The following CDK6 variants were observed in gnomAD, a reference collection of about 807,000 sequenced individuals.
CDK6 encodes the protein cyclin-dependent kinase 6.
A neutral mutation model predicts 37.1 loss-of-function variants in CDK6; 6 were observed. That is an observed-to-expected ratio of 0.16 (90% CI 0.09 to 0.32). CDK6 has a LOEUF of 0.32. CDK6 is among the 10% of genes least tolerant of loss of function. The probability of loss-of-function intolerance (pLI) is 1.00; values close to 1 mark genes in which losing one functional copy is unlikely to be tolerated. For missense variants in CDK6, 224 were observed against 418.9 expected (o/e 0.53, Z 4.06); for synonymous variants, 160 against 161.3 (o/e 0.99, Z 0.06).
At chr7:92,761,044 T>C (rs554774863) in intron 3 of CDK6, among the ~76,000 whole-genome samples, 1 of 152,202 alleles carries the variant, frequency 6.6e-6, no homozygotes, top group South Asian at 2.1e-4. Context: ...TCCTTTTTCT[T>C]AGTGGTTTGT....
rs1208052674 is a variant in CDK6, at chr7:92,614,406, T to G, written c.*734A>C. On this transcript the variant is annotated 3_prime_UTR_variant, in exon 8 of 8. Transcript: ENST00000424848. ...CTTACAACAAGTAAATTCAGCATTCTGAAGACTAAATAGAATGCATGCACA... is the reference window on the plus strand; with the variant it reads ...CTTACAACAAGTAAATTCAGCATTCGGAAGACTAAATAGAATGCATGCACA... 1 of 232,982 alleles carries G rather than the reference T, an allele frequency of 4.3e-6. No homozygotes were observed. The highest frequency in any genetic ancestry group is 8.5e-6 in the Non-Finnish European group (1 of 117,968). 14.4% of individuals were successfully genotyped at this position (232,982 alleles called of 1,614,324 possible). A position where few individuals can be genotyped will look rare whatever the true frequency, so the allele number is the denominator to read the frequency against.
rs757062659 is a variant in CDK6 at position 92,659,631 on chromosome 7, CACACCA to C, written c.647+11789_647+11794del. 5.3e-5 allele frequency among the ~76,000 whole-genome samples: 8 copies of C among 149,580 alleles called. No homozygotes were observed. The East Asian group carries it at 8.6e-4, about 16-fold the overall frequency. On this transcript the variant is annotated intron_variant, in intron 5 of 7. Transcript: ENST00000424848. Reference sequence around the variant, plus strand: ...TGACACACACACACACACACACACACACACCACACACACACACACTTTTGAATTCAT... The same window carrying C: ...TGACACACACACACACACACACACACCACACACACACACTTTTGAATTCAT...
intron 4 of CDK6, among the ~76,000 whole-genome samples, chr7:92,716,947 C>G (rs567262654): frequency 6.6e-6 from 1 of 152,116 alleles, no homozygotes; most frequent in South Asian, 2.1e-4. Context: ...ACTTGAAAAA[C>G]TTTCTGAAGC....
At chr7:92,832,629 A>T (rs897079565) in intron 2 of CDK6, among the ~76,000 whole-genome samples, 2 of 152,130 alleles carry the variant, frequency 1.3e-5, no homozygotes, top group African/African-American at 4.8e-5. Flanking sequence ...ACTTGGCTCC[A>T]CCCATAAAGT....
At chr7:92,701,551 G>A (rs772317335) in intron 4 of CDK6, among the ~76,000 whole-genome samples, 3 of 152,066 alleles carry the variant, frequency 2.0e-5, no homozygotes, top group East Asian at 1.9e-4. Context: ...GACTACAGGC[G>A]CCTGCAACCA....
At chr7:92,727,043 G>A (rs758413778) in intron 3 of CDK6, among the ~76,000 whole-genome samples, 2 of 152,094 alleles carry the variant, frequency 1.3e-5, no homozygotes, top group African/African-American at 2.4e-5. Flanking sequence ...CTAATTTTAG[G>A]ACCAATACAA....
chr7:92,809,221 T>A (rs1357788435), intron 2 of CDK6, among the ~76,000 whole-genome samples: 1 of 152,204 alleles, frequency 6.6e-6, no homozygotes, highest in Non-Finnish European at 1.5e-5. Flanking sequence ...AAACTCTCAA[T>A]AGCCCAGGAA....
In CDK6 at chr7:92,637,805, T is replaced by C. The variant is rs137997778; in HGVS notation, c.648-14719A>G. ...ACAGCCAACGACAAGGCCAATGGTA[T>C]ACATACAAGGTGATTACCATGTTTT... On this transcript the variant is annotated intron_variant, in intron 5 of 7. Coordinates refer to ENST00000424848, the MANE Select transcript of CDK6 (RefSeq NM_001145306.2). Among the ~76,000 whole-genome samples the C allele has an allele frequency of 7.9e-4, 121 of 152,244 alleles. 2 individuals are homozygous for C. In the East Asian group the frequency reaches 0.022, roughly 28 times the overall value.
At chr7:92,783,661 A>G (rs1446381614) in intron 2 of CDK6, among the ~76,000 whole-genome samples, 1 of 152,198 alleles carries the variant, frequency 6.6e-6, no homozygotes, top group Non-Finnish European at 1.5e-5. Context: ...AATGTTTTAC[A>G]TGTGGAATGG....
chr7:92,662,051 G>C (rs918149538), intron 5 of CDK6, among the ~76,000 whole-genome samples: 1 of 152,194 alleles, frequency 6.6e-6, no homozygotes, highest in African/African-American at 2.4e-5. Flanking sequence ...AGAATGGAGA[G>C]ACAAGGGCAT....
chr7:92,830,156 T>TA (rs899799648), intron 2 of CDK6, among the ~76,000 whole-genome samples: 2 of 152,112 alleles, frequency 1.3e-5, no homozygotes, highest in African/African-American at 2.4e-5. Context: ...TTACCAAATG[T>TA]AAAAAAAGAG....
At chr7:92,645,247 G>C (rs1796418274) in intron 5 of CDK6, among the ~76,000 whole-genome samples, 1 of 152,180 alleles carries the variant, frequency 6.6e-6, no homozygotes, top group African/African-American at 2.4e-5. Context: ...ATGAAGTAAT[G>C]AAATGCCAAA....
At chr7:92,623,770 C>A (rs1453891675) in intron 5 of CDK6, among the ~76,000 whole-genome samples, 3 of 152,116 alleles carry the variant, frequency 2.0e-5, no homozygotes, top group African/African-American at 4.8e-5. Flanking sequence ...ATCAAGTAGC[C>A]CCTTGAGGGA....
intron 4 of CDK6, among the ~76,000 whole-genome samples, chr7:92,707,369 C>T (rs1167200806): frequency 1.3e-5 from 2 of 152,170 alleles, no homozygotes; most frequent in Non-Finnish European, 2.9e-5. Flanking sequence ...TTCCAGAATA[C>T]GTCCCTTTAA....
intron 5 of CDK6, among the ~76,000 whole-genome samples, chr7:92,642,974 A>C (rs760234005): frequency 1.1e-4 from 16 of 151,326 alleles, no homozygotes; most frequent in Non-Finnish European, 1.8e-4. Context: ...AGCTCAATGC[A>C]GCCTTGACCT....
At chr7:92,663,052 C>T (rs548835768) in intron 5 of CDK6, among the ~76,000 whole-genome samples, 1 of 151,844 alleles carries the variant, frequency 6.6e-6, no homozygotes, top group South Asian at 2.1e-4. Context: ...AGAGAGTCAG[C>T]GAGGGGAGGT....
chr7:92,828,805 T>G (rs1801400362), intron 2 of CDK6, among the ~76,000 whole-genome samples: 1 of 152,130 alleles, frequency 6.6e-6, no homozygotes. Flanking sequence ...AAATTCAGCA[T>G]TATCAAGTTC....
intron 3 of CDK6, among the ~76,000 whole-genome samples, chr7:92,755,745 C>T (rs769726898): frequency 6.6e-6 from 1 of 152,084 alleles, no homozygotes; most frequent in Non-Finnish European, 1.5e-5. Flanking sequence ...AGTTGGGGTG[C>T]GGATACCATT....
At chr7:92,810,101 T>C (rs895701257) in intron 2 of CDK6, among the ~76,000 whole-genome samples, 2 of 152,206 alleles carry the variant, frequency 1.3e-5, no homozygotes, top group Non-Finnish European at 2.9e-5. Context: ...GATATGGCTA[T>C]GAAAATAGAT....
Sources: gnomAD v4.1 joint callset for allele counts (sites outside exome capture counted in the v4.1 genomes callset) on GRCh38, gnomAD v4.1.1 for gene constraint, MANE v1.5 for transcripts, NCBI Gene and HGNC (gene_info 2026-07-23, HGNC 2026-07-21) for gene names.